PDE4D: variants seen among roughly 807,000 people sequenced by gnomAD.
PDE4D encodes the protein phosphodiesterase 4D.
In PDE4D, 24 loss-of-function variants were observed where a neutral mutation model predicts 87.4. The observed-to-expected ratio is 0.27, with a 90% CI of 0.20 to 0.39. The LOEUF is 0.39. Among genes scored for constraint, PDE4D ranks in the 10% least tolerant of loss-of-function variants. PDE4D has a pLI of 1.00. For missense variants in PDE4D, 714 were observed against 1,041.0 expected, an observed-to-expected ratio of 0.69 and a Z score of 4.32; for synonymous variants, 384 against 383.2, an observed-to-expected ratio of 1.00 and a Z score of -0.02.
At chr5:60,483,178 G>T (rs10939849) in intron 1 of PDE4D, among the ~76,000 whole-genome samples, 2 of 151,870 alleles carry the variant, frequency 1.3e-5, no homozygotes. Context: ...GGTGGGTGGG[G>T]GACAGAGTTT....
At chr5:59,127,610 C>T (rs1203542377) in intron 5 of PDE4D, among the ~76,000 whole-genome samples, 1 of 103,620 alleles carries the variant, frequency 9.7e-6, no homozygotes, top group Admixed American at 9.1e-5. Flanking sequence ...TCCCCACCCC[C>T]CCACCCCCCA....
intron 4 of PDE4D, among the ~76,000 whole-genome samples, chr5:59,183,488 C>A (rs941505203): frequency 4.6e-5 from 7 of 152,144 alleles, no homozygotes; most frequent in Admixed American, 1.3e-4. Context: ...ATGCTGGTAC[C>A]CAGGTGACCA....
At chr5:59,475,355 C>A (rs936779198) in intron 1 of PDE4D, among the ~76,000 whole-genome samples, 4 of 152,038 alleles carry the variant, frequency 2.6e-5, no homozygotes, top group African/African-American at 4.8e-5. Flanking sequence ...AGGCTAAGAA[C>A]CATGGTTATA....
chr5:59,169,721 A>G (rs962188354), intron 5 of PDE4D, among the ~76,000 whole-genome samples: 6 of 152,148 alleles, frequency 3.9e-5, no homozygotes, highest in African/African-American at 1.2e-4. Flanking sequence ...CATCAACTCA[A>G]TGACAACACT....
chr5:59,621,820 A>G (rs1249860132), intron 1 of PDE4D, among the ~76,000 whole-genome samples: 1 of 152,204 alleles, frequency 6.6e-6, no homozygotes, highest in African/African-American at 2.4e-5. Flanking sequence ...ATATGATGCT[A>G]AATTAGTCTG....
intron 1 of PDE4D, among the ~76,000 whole-genome samples, chr5:60,249,197 G>A (rs1167524106): frequency 6.6e-6 from 1 of 152,012 alleles, no homozygotes; most frequent in Non-Finnish European, 1.5e-5. Context: ...CAATGCTTTA[G>A]GGAGAAACTG....
At chr5:60,260,378 C>T (rs770246789) in intron 1 of PDE4D, among the ~76,000 whole-genome samples, 9 of 151,978 alleles carry the variant, frequency 5.9e-5, no homozygotes, top group Non-Finnish European at 1.2e-4. Context: ...TAGACCCTGT[C>T]ACACTTTTTA....
chr5:59,391,876 T>C (rs1291840230), intron 1 of PDE4D, among the ~76,000 whole-genome samples: 1 of 151,146 alleles, frequency 6.6e-6, no homozygotes, highest in Non-Finnish European at 1.5e-5. Context: ...TCTAATACAC[T>C]TTTCTTCATG....
intron 1 of PDE4D, among the ~76,000 whole-genome samples, chr5:60,281,666 T>C (rs2149748224): frequency 6.6e-6 from 1 of 152,254 alleles, no homozygotes; most frequent in African/African-American, 2.4e-5. Context: ...GCAAAAGAAA[T>C]GTTAATTATT....
chr5:59,052,209 T>TCC (rs1761661026), intron 5 of PDE4D, among the ~76,000 whole-genome samples: 2 of 152,194 alleles, frequency 1.3e-5, no homozygotes, highest in Admixed American at 1.3e-4. Flanking sequence ...GTATGGACTA[T>TCC]AGCTCAGTGT....
chr5:59,667,077 T>C (rs544540018), intron 1 of PDE4D, among the ~76,000 whole-genome samples: 6 of 152,314 alleles, frequency 3.9e-5, no homozygotes, highest in African/African-American at 1.4e-4. Flanking sequence ...AGTAATTCTA[T>C]GAAATGGACA....
chr5:59,710,982 C>G (rs980455518), intron 1 of PDE4D, among the ~76,000 whole-genome samples: 2 of 152,062 alleles, frequency 1.3e-5, no homozygotes, highest in African/African-American at 2.4e-5. Context: ...AATGAATGTG[C>G]CCTTGTTCAC....
At chr5:59,143,112 C>T (rs926706998) in intron 5 of PDE4D, among the ~76,000 whole-genome samples, 31 of 151,274 alleles carry the variant, frequency 2.0e-4, no homozygotes, top group South Asian at 2.1e-4. Context: ...TTCTTTCCTT[C>T]CTTCCTTCCT....
intron 5 of PDE4D, among the ~76,000 whole-genome samples, chr5:59,152,523 T>C (rs1779610762): frequency 1.3e-5 from 2 of 152,196 alleles, no homozygotes; most frequent in South Asian, 4.1e-4. Context: ...GCAAAACAGA[T>C]GTTCACATTT....
At chr5:59,725,474 G>C (rs1429415111) in intron 1 of PDE4D, among the ~76,000 whole-genome samples, 1 of 152,088 alleles carries the variant, frequency 6.6e-6, no homozygotes, top group African/African-American at 2.4e-5. Context: ...ACGTAAAAGA[G>C]CAAGAGGACT....
intron 1 of PDE4D, among the ~76,000 whole-genome samples, chr5:59,325,933 A>G (rs1448508802): frequency 6.6e-6 from 1 of 152,170 alleles, no homozygotes; most frequent in African/African-American, 2.4e-5. Context: ...AATGCTATGC[A>G]GCCATAAAAA....
intron 1 of PDE4D, among the ~76,000 whole-genome samples, chr5:59,809,775 T>C (rs1768134189): frequency 6.6e-6 from 1 of 152,172 alleles, no homozygotes; most frequent in Middle Eastern, 3.2e-3. Context: ...CATCAAGCAG[T>C]CTTCTTTGTA....
At position 59,090,431 on chromosome 5, in the gene PDE4D, T is replaced by C. The variant is rs770877455; in HGVS notation, c.809-51460A>G. ...CAGGGAGATATGTTTCCTCCCGTGA[T>C]ATAGAGGATGTTGATTCACTTGTCT... On this transcript the variant is annotated intron_variant, in intron 5 of 14. Transcript: ENST00000340635. Among the ~76,000 whole-genome samples, 12 of 152,144 alleles carry C rather than the reference T, an allele frequency of 7.9e-5. No individual in the cohort carries two copies. The South Asian group carries it at 1.2e-3, about 16-fold the overall frequency.
upstream of PDE4D, chr5:60,488,218 T>C (rs764844407): frequency 1.3e-5 from 2 of 152,434 alleles, no homozygotes; most frequent in Non-Finnish European, 2.9e-5. Flanking sequence ...CACATTAATC[T>C]ACTTATCTGG....
Sources: allele counts gnomAD v4.1 joint callset (sites outside exome capture counted in the v4.1 genomes callset), GRCh38; gene constraint gnomAD v4.1.1; transcripts MANE v1.5; gene names NCBI Gene and HGNC (gene_info 2026-07-23, HGNC 2026-07-21).